The following HDAC4 variants were observed in gnomAD, a reference collection of about 807,000 sequenced individuals.
HDAC4 encodes the protein histone deacetylase 4.
Under a neutral mutation model 135.1 loss-of-function variants are expected in HDAC4, and 16 were observed. The observed-to-expected ratio is 0.12, with a 90% CI of 0.08 to 0.18. The LOEUF (loss-of-function observed/expected upper bound fraction) is 0.18, where lower values mean the gene tolerates loss of function less well. Ranked by LOEUF, HDAC4 falls within the 10% of genes least tolerant of loss-of-function variation. The pLI is 1.00. For synonymous variants in HDAC4, 685 were observed against 653.4 expected (o/e 1.05, Z -0.74); for missense variants, 1,143 against 1,511.8 (o/e 0.76, Z 4.05).
chr2:239,167,470 T>C lies in HDAC4; in HGVS notation c.491-3547A>G, dbSNP rs1575266368. 6.6e-6 allele frequency among the ~76,000 whole-genome samples: 1 copy of C among 152,180 alleles called. No homozygotes were observed. The highest frequency in any genetic ancestry group is 1.5e-5 in the Non-Finnish European group (1 of 68,024). Reference sequence around the variant, plus strand: ...GTTCACACCCCACCCATGCCCAGCATAGGCCTGGCCAGCAGGAAACACGAG... The same window carrying C: ...GTTCACACCCCACCCATGCCCAGCACAGGCCTGGCCAGCAGGAAACACGAG... On this transcript the variant is annotated intron_variant, in intron 5 of 26. Coordinates refer to ENST00000543185, the MANE Select transcript of HDAC4 (RefSeq NM_001378414.1). This position sits in a 1 kb window ranked among gnomAD's most constrained non-coding sequence, Gnocchi z 4.1.
chr2:239,096,214 G>A (rs1049731843), intron 16 of HDAC4, among the ~76,000 whole-genome samples: 1 of 152,100 alleles, frequency 6.6e-6, no homozygotes, highest in Non-Finnish European at 1.5e-5. Context: ...CTTCCTCAGG[G>A]AACAGCGTGC....
chr2:239,222,629 C>CA (rs1428303543), intron 3 of HDAC4, among the ~76,000 whole-genome samples: 2 of 151,198 alleles, frequency 1.3e-5, no homozygotes, highest in Admixed American at 1.3e-4. Context: ...AAATAACAGA[C>CA]AGAACCATCC....
chr2:239,195,301 C>T (rs1405317115), intron 3 of HDAC4, among the ~76,000 whole-genome samples: 6 of 152,352 alleles, frequency 3.9e-5, no homozygotes, highest in East Asian at 3.9e-4. Context: ...GCATCCCATG[C>T]GCACCTCCGG....
At chr2:239,363,259 C>A (rs542764357) in intron 1 of HDAC4, among the ~76,000 whole-genome samples, 4 of 152,288 alleles carry the variant, frequency 2.6e-5, no homozygotes, top group African/African-American at 9.6e-5. Flanking sequence ...CAATCGCAAT[C>A]AAAATCCCAG....
chr2:239,241,864 C>A lies in HDAC4; in HGVS notation c.23-5200G>T, dbSNP rs578093969. ...GTTCCCTTATAAGCCAAATCTCAAT[C>A]CTGTTGGCCAACTTGTTTTTGGTTT... On this transcript the variant is annotated intron_variant, in intron 2 of 26. Coordinates refer to ENST00000543185, the MANE Select transcript of HDAC4 (RefSeq NM_001378414.1). 1.2e-3 allele frequency among the ~76,000 whole-genome samples: 184 copies of A among 152,250 alleles called. 4 individuals carry two copies. In the South Asian group the frequency reaches 0.037, roughly 30 times the overall value.
Position 239,134,570 on chromosome 2 carries a change from A to C in HDAC4, c.1052T>G (p.Leu351Trp). 6.2e-7 allele frequency: 1 copy of C among 1,614,228 alleles called. No homozygotes were observed. The highest frequency in any genetic ancestry group is 8.5e-7 in the Non-Finnish European group (1 of 1,180,026). The change falls in exon 10 of 27, where the codon TTG becomes TGG. Residue 351 changes from leucine (L) to tryptophan (W), a missense_variant. This residue lies in a region of HDAC4 where 272 missense variants were observed against 309.7 expected (regional missense o/e 0.88). Coordinates refer to ENST00000543185, the MANE Select transcript of HDAC4 (RefSeq NM_001378414.1). ...AGGCAGGCCCAGCGTGATGTTGGGCAAGGATGGCGATGTGTAGAGGGGAAG... is the reference window on the plus strand; with the variant it reads ...AGGCAGGCCCAGCGTGATGTTGGGCCAGGATGGCGATGTGTAGAGGGGAAG... ...APLPLYTSPS[L>W]PNITLGLPAT...
rs1296750795 is a variant in HDAC4 at position 239,119,508 on chromosome 2, CGGGGACCAGAGCTCAGAGCTGAGGGTGT to C, written c.1534-4226_1534-4199del. On this transcript the variant is annotated intron_variant, in intron 12 of 26. Transcript: ENST00000543185. ...GGACCAGAGCTCAGGGCTGAGGGCG[CGGGGACCAGAGCTCAGAGCTGAGGGTGT>C]GGGGACCAGAGCTAAGGGCTGAGGG... 5.8e-4 allele frequency among the ~76,000 whole-genome samples: 88 copies of C among 151,134 alleles called. 1 individual carries two copies. The highest frequency in any genetic ancestry group is 2.0e-3 in the African/African-American group (81 of 41,100).
chr2:239,075,910 G>T (rs1244862950), intron 22 of HDAC4, among the ~76,000 whole-genome samples: 1 of 150,750 alleles, frequency 6.6e-6, no homozygotes, highest in Non-Finnish European at 1.5e-5. Context: ...CACTTTCCTC[G>T]GCTTCCCAGG....
At chr2:239,401,617 G>C (rs1559411897), upstream of HDAC4, 1 of 250,868 alleles carries the variant, frequency 4.0e-6, no homozygotes, top group East Asian at 1.7e-4. Flanking sequence ...GAGCCGGCCA[G>C]GCCTCGCCGC....
intron 4 of HDAC4, among the ~76,000 whole-genome samples, chr2:239,186,127 G>A (rs1338129507): frequency 6.6e-6 from 1 of 152,118 alleles, no homozygotes; most frequent in African/African-American, 2.4e-5. Flanking sequence ...CATCCGAGAA[G>A]GAGAGGCAAG....
At chr2:239,138,265 T>C (rs1269778093) in intron 9 of HDAC4, among the ~76,000 whole-genome samples, 4 of 152,138 alleles carry the variant, frequency 2.6e-5, no homozygotes, top group African/African-American at 7.2e-5. Flanking sequence ...GTAAGAGAAA[T>C]TGGGGATTAA....
At chr2:239,304,884 A>T (rs1160519278) in intron 2 of HDAC4, among the ~76,000 whole-genome samples, 1 of 152,156 alleles carries the variant, frequency 6.6e-6, no homozygotes, top group Admixed American at 6.5e-5. Context: ...ACATAGGAGA[A>T]CGCGAATGAC....
intron 2 of HDAC4, among the ~76,000 whole-genome samples, chr2:239,239,452 C>T (rs960637351): frequency 2.6e-5 from 4 of 152,196 alleles, no homozygotes; most frequent in African/African-American, 9.6e-5. Context: ...TCTCTGCGTC[C>T]TGGTGACTGG....
In HDAC4 at chr2:239,102,913, G is replaced by C; in HGVS notation, c.2113-17C>G. ...GCGGATGCACTGTGGGGACAGGCGA[G>C]AGGACACTCACACGTTCTGCAGAAG... On this transcript the variant is annotated splice_polypyrimidine_tract_variant and intron_variant, in intron 15 of 26. Coordinates refer to ENST00000543185, the MANE Select transcript of HDAC4 (RefSeq NM_001378414.1). 3 of 1,613,672 alleles carry C rather than the reference G, an allele frequency of 1.9e-6. No homozygotes were observed. The highest frequency in any genetic ancestry group is 2.5e-6 in the Non-Finnish European group (3 of 1,179,958).
intron 2 of HDAC4, among the ~76,000 whole-genome samples, chr2:239,272,888 C>T (rs1009520897): frequency 6.6e-6 from 1 of 152,158 alleles, no homozygotes; most frequent in African/African-American, 2.4e-5. Context: ...CCAAGCTGTC[C>T]CTATATTCCT....
intron 7 of HDAC4, chr2:239,155,575 T>A (rs1445394202): frequency 6.6e-6 from 1 of 152,428 alleles, no homozygotes; most frequent in African/African-American, 2.4e-5. Context: ...TGGCCTGATA[T>A]GACCCTCTGC....
At chr2:239,085,178 C>A (rs1210874299) in intron 19 of HDAC4, among the ~76,000 whole-genome samples, 2 of 152,108 alleles carry the variant, frequency 1.3e-5, no homozygotes, top group African/African-American at 4.8e-5. Context: ...TCAGGAGCTG[C>A]CGCCACGCCC....
intron 2 of HDAC4, among the ~76,000 whole-genome samples, chr2:239,273,296 G>C (rs933945472): frequency 6.6e-6 from 1 of 152,056 alleles, no homozygotes; most frequent in African/African-American, 2.4e-5. Context: ...AGCAGCAAAG[G>C]CCTAAAAGGC....
At chr2:239,310,251 G>A (rs1430401916) in intron 2 of HDAC4, among the ~76,000 whole-genome samples, 2 of 152,228 alleles carry the variant, frequency 1.3e-5, no homozygotes, top group South Asian at 2.1e-4. Context: ...AAACCGACAT[G>A]TCAGTGACTT....
Sources: gnomAD v4.1 joint callset for allele counts (sites outside exome capture counted in the v4.1 genomes callset) on GRCh38, gnomAD v4.1.1 for gene constraint, gnomAD v4.1.1 regional missense constraint, Gnocchi (gnomAD v3.1) non-coding constraint, MANE v1.5 for transcripts, NCBI Gene and HGNC (gene_info 2026-07-23, HGNC 2026-07-21) for gene names.